The following WDFY3 variants were observed in gnomAD, a reference collection of about 807,000 sequenced individuals.
The protein encoded by WDFY3 is WD repeat and FYVE domain containing 3.
In WDFY3, 66 loss-of-function variants were observed where a neutral mutation model predicts 409.6. That is an observed-to-expected ratio of 0.16 (90% confidence interval 0.13 to 0.20). WDFY3 has a LOEUF of 0.20. Ranked by LOEUF, WDFY3 falls within the 10% of genes least tolerant of loss-of-function variation. WDFY3 has a pLI of 1.00. For synonymous variants in WDFY3, 1,521 were observed against 1,537.1 expected (o/e 0.99, Z 0.25); for missense variants, 3,031 against 4,298.1 (o/e 0.71, Z 8.24).
chr4:84,710,487 A>G (rs538471752), intron 51 of WDFY3, among the ~76,000 whole-genome samples: 164 of 152,274 alleles, frequency 1.1e-3, no homozygotes, highest in Non-Finnish European at 1.9e-3. Context: ...GTATTTATAT[A>G]TTTTCTTTTC....
chr4:84,829,542 A>C (rs1755357773), intron 8 of WDFY3, among the ~76,000 whole-genome samples: 1 of 152,168 alleles, frequency 6.6e-6, no homozygotes, highest in South Asian at 2.1e-4. Flanking sequence ...AAAAGCAAAA[A>C]AACTATCTTC....
At chr4:84,718,606 CT>C in intron 47 of WDFY3, 36 bp from the exon 48 acceptor site, 1 of 1,587,472 alleles carries the variant, frequency 6.3e-7, no homozygotes, top group South Asian at 1.2e-5. Flanking sequence ...TTAATATAGG[CT>C]TTTTGTAAAG....
intron 3 of WDFY3, among the ~76,000 whole-genome samples, chr4:84,866,710 C>T (rs1267886037): frequency 6.6e-6 from 1 of 152,208 alleles, no homozygotes; most frequent in East Asian, 1.9e-4. Context: ...TGCTTGGGCC[C>T]ACTCCCACCC....
rs1213749827 is a variant in WDFY3 at position 84,784,883 on chromosome 4, TATATATATAC to T, written c.4062+1086_4062+1095del. Among the ~76,000 whole-genome samples, 711 of 90,502 alleles carry T rather than the reference TATATATATAC, an allele frequency of 7.9e-3. 5 individuals carry two copies. The highest frequency in any genetic ancestry group is 0.014 in the South Asian group (36 of 2,574). 59.4% of individuals were successfully genotyped at this position (90,502 alleles called of 152,430 possible). Reference sequence around the variant, plus strand: ...GTATATATATATATATATATATATATATATATATACACACACACACACACACACACACACA... The same window carrying T: ...GTATATATATATATATATATATATATACACACACACACACACACACACACA... On this transcript the variant is annotated intron_variant, in intron 24 of 67. Coordinates refer to ENST00000295888, the MANE Select transcript of WDFY3 (RefSeq NM_014991.6).
chr4:84,741,584 A>G (rs533371141), intron 38 of WDFY3, among the ~76,000 whole-genome samples, 177 bp downstream of exon 38: 62 of 152,186 alleles, frequency 4.1e-4, no homozygotes, highest in African/African-American at 1.4e-3. Flanking sequence ...CAAAGTGCTG[A>G]TACTACAGGT....
intron 3 of WDFY3, among the ~76,000 whole-genome samples, chr4:84,863,147 A>G (rs538822848): frequency 6.6e-6 from 1 of 152,238 alleles, no homozygotes; most frequent in East Asian, 1.9e-4. Context: ...GATTATTTCC[A>G]TATCTTGGCT....
chr4:84,775,392 A>C (rs1278396941), intron 27 of WDFY3, among the ~76,000 whole-genome samples: 1 of 152,054 alleles, frequency 6.6e-6, no homozygotes, highest in East Asian at 1.9e-4. Context: ...GTATTGAAAA[A>C]CATGCACATG....
rs1189005240 is a variant in WDFY3, at chr4:84,690,646, A to T, written c.9223T>A (p.Cys3075Ser). The change falls in exon 61 of 68, where the codon TGC (cysteine) becomes AGC (serine). Residue 3075 changes from cysteine (C) to serine (S), a missense_variant. Cys to Ser is a moderately radical substitution (Grantham distance 112). This residue lies in a region of WDFY3 where 152 missense variants were observed against 193.5 expected (regional missense o/e 0.79). Transcript: ENST00000295888. ...AGAATCTGGCCCCACTCAGACAAGCATTCATAAACAGTCATGGCCTATAAA... is the reference window on the plus strand; with the variant it reads ...AGAATCTGGCCCCACTCAGACAAGCTTTCATAAACAGTCATGGCCTATAAA... The part of the protein sequence containing the change: ...ESDKAMTVYE[C>S]LSEWGQILCA... The T allele has an allele frequency of 6.2e-7, 1 of 1,613,728 alleles. No individual in the cohort carries two copies. Among genetic ancestry groups the T allele is most frequent in the African/African-American group, 1.3e-5 (1 of 74,936 alleles).
intron 1 of WDFY3, among the ~76,000 whole-genome samples, chr4:84,961,737 AAGG>A (rs1474460362): frequency 3.9e-5 from 6 of 152,342 alleles, no homozygotes; most frequent in Admixed American, 3.3e-4. Context: ...AAAAAATTTA[AAGG>A]AGATCACTAC....
At chr4:84,731,406 A>T (rs1278454165) in intron 44 of WDFY3, among the ~76,000 whole-genome samples, 2 of 152,242 alleles carry the variant, frequency 1.3e-5, no homozygotes, top group Admixed American at 1.3e-4. Context: ...AAATTACTTC[A>T]GAAAATTTCA....
intron 10 of WDFY3, among the ~76,000 whole-genome samples, chr4:84,822,507 T>C (rs556441701): frequency 3.3e-5 from 5 of 151,984 alleles, no homozygotes; most frequent in African/African-American, 4.8e-5. Context: ...CTGGGTAACA[T>C]AGCAAGACCA....
rs756689991 is a variant in WDFY3 at position 84,741,924 on chromosome 4, A to G, written c.6074-3T>C. On this transcript the variant is annotated splice_polypyrimidine_tract_variant and splice_region_variant and intron_variant, in intron 37 of 67. Transcript: ENST00000295888. ...AATAGGCAGAGATGCATCTTCCCCTAAATTCCAGTAGGAAAAAAAGTCTAA... is the reference window on the plus strand; with the variant it reads ...AATAGGCAGAGATGCATCTTCCCCTGAATTCCAGTAGGAAAAAAAGTCTAA... The G allele has an allele frequency of 1.9e-6, 3 of 1,575,314 alleles. No homozygotes were observed. The highest frequency in any genetic ancestry group is 2.6e-6 in the Non-Finnish European group (3 of 1,155,808).
At chr4:84,675,511 C>A (rs1726119053) in intron 67 of WDFY3, among the ~76,000 whole-genome samples, 1 of 152,214 alleles carries the variant, frequency 6.6e-6, no homozygotes, top group African/African-American at 2.4e-5. Flanking sequence ...TCTAAGAGGA[C>A]TGGTCTTCTT....
intron 6 of WDFY3, among the ~76,000 whole-genome samples, chr4:84,838,818 C>T (rs890058081): frequency 6.6e-6 from 1 of 152,174 alleles, no homozygotes; most frequent in South Asian, 2.1e-4. Flanking sequence ...TCTACCCTCA[C>T]TTTCAAAATG....
At chr4:84,805,222 T>C (rs1444829761) in intron 15 of WDFY3, among the ~76,000 whole-genome samples, 1 of 152,158 alleles carries the variant, frequency 6.6e-6, no homozygotes, top group Non-Finnish European at 1.5e-5. Flanking sequence ...TTATATATAT[T>C]GCAAATATTA....
chr4:84,748,744 A>T (rs774552634), intron 36 of WDFY3, among the ~76,000 whole-genome samples: 13 of 152,198 alleles, frequency 8.5e-5, no homozygotes, highest in Non-Finnish European at 1.5e-4. Context: ...TGTAGGTATA[A>T]TCAAGTAAGT....
chr4:84,893,955 C>T (rs1030101881), intron 3 of WDFY3, among the ~76,000 whole-genome samples: 1 of 151,604 alleles, frequency 6.6e-6, no homozygotes, highest in Non-Finnish European at 1.5e-5. Context: ...CGCCATTGCA[C>T]TCCAGCCTGG....
intron 3 of WDFY3, among the ~76,000 whole-genome samples, chr4:84,863,476 A>C (rs1760945156): frequency 6.6e-6 from 1 of 152,154 alleles, no homozygotes; most frequent in South Asian, 2.1e-4. Flanking sequence ...ATGATTATTA[A>C]TACTGAGCAC....
chr4:84,823,095 C>T (rs553327439), intron 10 of WDFY3, among the ~76,000 whole-genome samples: 3 of 152,172 alleles, frequency 2.0e-5, no homozygotes, highest in Admixed American at 6.5e-5. Flanking sequence ...GATTTTAAGG[C>T]TTATTATAAA....
Sources: allele counts gnomAD v4.1 joint callset (sites outside exome capture counted in the v4.1 genomes callset), GRCh38; gene constraint gnomAD v4.1.1; regional missense constraint gnomAD v4.1.1; transcripts MANE v1.5; gene names NCBI Gene and HGNC (gene_info 2026-07-23, HGNC 2026-07-21).